GTPBP10: variants seen among roughly 807,000 people sequenced by gnomAD.
GTPBP10 encodes the protein GTP-binding protein 10.
In GTPBP10, 38 loss-of-function variants were observed where a neutral mutation model predicts 44.8. That is an observed-to-expected ratio of 0.85 (90% CI 0.65 to 1.11). GTPBP10 has a LOEUF of 1.11. Ranked by LOEUF, GTPBP10 falls within the 50% of genes most tolerant of loss-of-function variation. The pLI, the probability that GTPBP10 is intolerant of heterozygous loss-of-function variation, is 0.00. For synonymous variants in GTPBP10, 152 were observed against 150.6 expected, an observed-to-expected ratio of 1.01 and a Z score of -0.07; for missense variants, 462 against 453.7, an observed-to-expected ratio of 1.02 and a Z score of -0.17.
At chr7:90,370,823 G>T (rs2115718455) in intron 4 of GTPBP10, among the ~76,000 whole-genome samples, 1 of 152,180 alleles carries the variant, frequency 6.6e-6, no homozygotes, top group South Asian at 2.1e-4. Context: ...GGCTAATATG[G>T]TGAAACCCCA....
intron 4 of GTPBP10, among the ~76,000 whole-genome samples, chr7:90,370,775 G>A (rs1796242331): frequency 6.6e-6 from 1 of 152,200 alleles, no homozygotes; most frequent in Non-Finnish European, 1.5e-5. Context: ...GGAGGCCAAG[G>A]TGGGCAGATC....
chr7:90,365,111 C>T (rs12533859), intron 4 of GTPBP10, among the ~76,000 whole-genome samples: 16,147 of 152,198 alleles, frequency 0.11, 1,064 homozygotes, highest in Non-Finnish European at 0.15. Context: ...CTTTGGCTCA[C>T]ACTCAGTGGG....
chr7:90,380,851 C>G (rs551936011), intron 8 of GTPBP10, among the ~76,000 whole-genome samples: 1 of 152,272 alleles, frequency 6.6e-6, no homozygotes, highest in South Asian at 2.1e-4. Flanking sequence ...TGAATTCAAC[C>G]TTTTAAGATT....
chr7:90,369,829 C>T (rs1192657472), intron 4 of GTPBP10, among the ~76,000 whole-genome samples: 4 of 152,200 alleles, frequency 2.6e-5, no homozygotes, highest in Non-Finnish European at 5.9e-5. Context: ...ACTGCACCCA[C>T]TGCCCAACCC....
chr7:90,386,254 G>A lies in GTPBP10; in HGVS notation c.*1100G>A, dbSNP rs1796522848. ...TTGTTTTTGAGCCTGTCTTGTACCT[G>A]GTTGCACTAAATATATAATAGTTAT... On this transcript the variant is annotated 3_prime_UTR_variant, in exon 10 of 10. Transcript: ENST00000222511. 6.6e-6 allele frequency: 1 copy of A among 151,986 alleles called. No homozygotes were observed. Among genetic ancestry groups the A allele is most frequent in the Non-Finnish European group, 1.5e-5 (1 of 68,002 alleles). 9.4% of individuals were successfully genotyped at this position (151,986 alleles called of 1,614,324 possible).
chr7:90,367,981 G>C (rs1796170811), intron 4 of GTPBP10, among the ~76,000 whole-genome samples: 2 of 152,144 alleles, frequency 1.3e-5, no homozygotes, highest in African/African-American at 4.8e-5. Flanking sequence ...GCCTGGTGTT[G>C]ACAAAATCTC....
intron 4 of GTPBP10, chr7:90,371,115 TGTTTA>T: frequency 1.7e-6 from 1 of 585,520 alleles, no homozygotes; most frequent in South Asian, 7.7e-5. Flanking sequence ...GTCATTGCAT[TGTTTA>T]AAGTTATTTT....
At chr7:90,366,083 T>C (rs1343943031) in intron 4 of GTPBP10, among the ~76,000 whole-genome samples, 1 of 152,236 alleles carries the variant, frequency 6.6e-6, no homozygotes, top group Non-Finnish European at 1.5e-5. Flanking sequence ...TTTGTGTACA[T>C]TGAACCAGCC....
Position 90,354,448 on chromosome 7 carries a change from T to G in GTPBP10, c.228-10T>G, listed in dbSNP as rs773606405. On this transcript the variant is annotated splice_polypyrimidine_tract_variant and intron_variant, in intron 2 of 9. Transcript: ENST00000222511. ...CACATACATACATATATATACTTTT[T>G]TTTTGGTAGAATTAGTGCACTGAAA... is the stretch of plus-strand genomic sequence containing the variant. 2 of 1,469,724 alleles carry G rather than the reference T, an allele frequency of 1.4e-6. No individual in the cohort carries two copies. Among genetic ancestry groups the G allele is most frequent in the South Asian group, 2.4e-5 (2 of 82,624 alleles). The allele number at this position is 1,469,724 out of a possible 1,614,324, so 91.0% of individuals were successfully genotyped here. A position where few individuals can be genotyped will look rare whatever the true frequency, so the allele number is the denominator to read the frequency against.
chr7:90,369,577 G>T (rs1796214733), intron 4 of GTPBP10, among the ~76,000 whole-genome samples: 1 of 152,204 alleles, frequency 6.6e-6, no homozygotes. Context: ...ATCTCAGACT[G>T]CTGCGCTAGC....
At chr7:90,365,702 C>T (rs1032845798) in intron 4 of GTPBP10, among the ~76,000 whole-genome samples, 1 of 151,886 alleles carries the variant, frequency 6.6e-6, no homozygotes, top group African/African-American at 2.4e-5. Flanking sequence ...ACAATCATGT[C>T]ATCTGCCAAC....
Position 90,391,266 on chromosome 7 carries a change from A to G in GTPBP10, c.*6112A>G, listed in dbSNP as rs1796610977. On this transcript the variant is annotated 3_prime_UTR_variant, in exon 10 of 10. Coordinates refer to ENST00000222511, the MANE Select transcript of GTPBP10 (RefSeq NM_033107.4). ...TTTCCATTTAATATTTTTGGACCACAGTTGACTGAAACTGAGGATGGGAGG... is the reference window on the plus strand; with the variant it reads ...TTTCCATTTAATATTTTTGGACCACGGTTGACTGAAACTGAGGATGGGAGG... 1 of 137,068 alleles carries G rather than the reference A, an allele frequency of 7.3e-6. No individual in the cohort carries two copies. The highest frequency in any genetic ancestry group is 1.6e-5 in the Non-Finnish European group (1 of 62,622). 8.5% of individuals were successfully genotyped at this position (137,068 alleles called of 1,614,324 possible). A position where few individuals can be genotyped will look rare whatever the true frequency, so the allele number is the denominator to read the frequency against.
At chr7:90,382,892 C>T in intron 8 of GTPBP10, 64 bp from the exon 9 acceptor site, 7 of 1,154,864 alleles carry the variant, frequency 6.1e-6, no homozygotes, top group Non-Finnish European at 8.3e-6. Flanking sequence ...TCATTAATTA[C>T]CAAATAAGTA....
intron 4 of GTPBP10, among the ~76,000 whole-genome samples, chr7:90,366,331 G>A (rs1796133650): frequency 1.3e-5 from 2 of 152,108 alleles, no homozygotes; most frequent in South Asian, 4.2e-4. Flanking sequence ...TCTATTGAAT[G>A]GAATTGTTTC....
rs560542355 is a variant in GTPBP10 at position 90,364,607 on chromosome 7, C to T, written c.465-7548C>T. On this transcript the variant is annotated intron_variant, in intron 4 of 9. Coordinates refer to ENST00000222511, the MANE Select transcript of GTPBP10 (RefSeq NM_033107.4). ...GACCCACTTGAGGAGGCAGTCTGTCCGTTCTCAGTTCTCAAACTCCGTGCT... is the reference window on the plus strand; with the variant it reads ...GACCCACTTGAGGAGGCAGTCTGTCTGTTCTCAGTTCTCAAACTCCGTGCT... 3.9e-5 allele frequency among the ~76,000 whole-genome samples: 6 copies of T among 152,294 alleles called. No individual in the cohort carries two copies. The South Asian group carries it at 6.2e-4, about 16-fold the overall frequency.
At chr7:90,370,983 G>A (rs1455799583) in intron 4 of GTPBP10, among the ~76,000 whole-genome samples, 2 of 150,320 alleles carry the variant, frequency 1.3e-5, no homozygotes, top group Non-Finnish European at 3.0e-5. Context: ...TCCAGCCTGG[G>A]CAACAGAGCG....
chr7:90,369,657 T>C (rs1370848618), intron 4 of GTPBP10, among the ~76,000 whole-genome samples: 1 of 152,160 alleles, frequency 6.6e-6, no homozygotes, highest in African/African-American at 2.4e-5. Context: ...GGTCTGCCGA[T>C]TGCAAAGACT....
chr7:90,366,380 G>C (rs1224140926), intron 4 of GTPBP10, among the ~76,000 whole-genome samples: 1 of 152,140 alleles, frequency 6.6e-6, no homozygotes, highest in Non-Finnish European at 1.5e-5. Context: ...ACCTCTGGTA[G>C]AATTGAGCTG....
intron 3 of GTPBP10, 63 bp from the exon 4 acceptor site, chr7:90,355,023 A>G: frequency 9.8e-7 from 1 of 1,020,370 alleles, no homozygotes. Flanking sequence ...TGAAAGAAAT[A>G]TATTGCATTA....
Sources: gnomAD v4.1 joint callset for allele counts (sites outside exome capture counted in the v4.1 genomes callset) on GRCh38, gnomAD v4.1.1 for gene constraint, MANE v1.5 for transcripts, NCBI Gene and HGNC (gene_info 2026-07-23, HGNC 2026-07-21) for gene names.